Variants in TFDP2 observed in about 807,000 individuals in gnomAD.
TFDP2 encodes transcription factor Dp-2.
Under a neutral mutation model 59.3 loss-of-function variants are expected in TFDP2, and 17 were observed. The ratio of observed to expected loss-of-function variants is 0.29; its 90% CI spans 0.20 to 0.43. The LOEUF is 0.43. TFDP2 is among the 20% of genes least tolerant of loss of function. The probability of loss-of-function intolerance (pLI) is 1.00; values close to 1 mark genes in which losing one functional copy is unlikely to be tolerated. For synonymous variants in TFDP2, 180 were observed against 194.7 expected, an observed-to-expected ratio of 0.92 and a Z score of 0.63; for missense variants, 391 against 528.8, an observed-to-expected ratio of 0.74 and a Z score of 2.56.
intron 3 of TFDP2, among the ~76,000 whole-genome samples, chr3:142,012,263 C>T (rs908578335): frequency 6.6e-6 from 1 of 152,164 alleles, no homozygotes; most frequent in South Asian, 2.1e-4. Context: ...CTGCCTGCCT[C>T]GGCCTCCCAA....
chr3:141,973,116 TATATA>T (rs1283538798), intron 8 of TFDP2, among the ~76,000 whole-genome samples: 32 of 98,796 alleles, frequency 3.2e-4, no homozygotes, highest in African/African-American at 9.5e-4. Flanking sequence ...TATATATATA[TATATA>T]TATTTTTTTT....
intron 1 of TFDP2, among the ~76,000 whole-genome samples, chr3:142,119,336 T>C (rs1053801475): frequency 6.6e-6 from 1 of 152,110 alleles, no homozygotes; most frequent in Admixed American, 6.6e-5. Context: ...AAAAGATAAA[T>C]TATTTACAAA....
chr3:141,968,446 T>TATATATCATATATAAC lies in TFDP2; in HGVS notation c.732+1626_732+1627insGTTATATATGATATAT, dbSNP rs1212503732. On this transcript the variant is annotated intron_variant, in intron 9 of 12. Transcript: ENST00000489671. ...ATCTCATATATAGATATATATAACA[T>TATATATCATATATAAC]ATATATCTCATATATAGATATATAT... Among the ~76,000 whole-genome samples, 11 of 115,444 alleles carry TATATATCATATATAAC rather than the reference T, an allele frequency of 9.5e-5. 2 individuals carry two copies. The highest frequency in any genetic ancestry group is 1.8e-4 in the Non-Finnish European group (11 of 61,154). The allele number at this position is 115,444 out of a possible 152,430, so 75.7% of individuals were successfully genotyped here.
chr3:142,006,541 T>C (rs903944104), intron 3 of TFDP2, among the ~76,000 whole-genome samples: 3 of 148,934 alleles, frequency 2.0e-5, no homozygotes, highest in African/African-American at 7.5e-5. Flanking sequence ...CAATCACAGG[T>C]CACTACAGGC....
At chr3:142,086,135 T>A (rs2060804966) in intron 3 of TFDP2, among the ~76,000 whole-genome samples, 1 of 152,166 alleles carries the variant, frequency 6.6e-6, no homozygotes, top group South Asian at 2.1e-4. Context: ...TTGTCTACAT[T>A]CTGCTTCTAG....
At chr3:142,079,001 C>T (rs1488006510) in intron 3 of TFDP2, among the ~76,000 whole-genome samples, 3 of 152,014 alleles carry the variant, frequency 2.0e-5, no homozygotes, top group East Asian at 1.9e-4. Context: ...TTGAAAAATG[C>T]AACTGACACG....
intron 1 of TFDP2, among the ~76,000 whole-genome samples, chr3:142,130,913 T>C (rs1323803768): frequency 7.1e-6 from 1 of 140,160 alleles, no homozygotes; most frequent in Non-Finnish European, 1.5e-5. Flanking sequence ...ATTAGCCAAA[T>C]GTGGTGGTGG....
intron 3 of TFDP2, among the ~76,000 whole-genome samples, chr3:142,019,146 C>G (rs917396424): frequency 6.6e-6 from 1 of 151,582 alleles, no homozygotes; most frequent in African/African-American, 2.4e-5. Context: ...CTCACCGCAT[C>G]CTCCGCCTCC....
intron 11 of TFDP2, among the ~76,000 whole-genome samples, chr3:141,959,232 A>T (rs1040117110): frequency 2.0e-5 from 3 of 152,108 alleles, no homozygotes; most frequent in Non-Finnish European, 4.4e-5. Flanking sequence ...CTGGGATTAC[A>T]GGTGTGAGCT....
chr3:142,127,442 G>A (rs1331916426), intron 1 of TFDP2, among the ~76,000 whole-genome samples: 1 of 151,430 alleles, frequency 6.6e-6, no homozygotes, highest in East Asian at 1.9e-4. Context: ...CAGTAGCTGG[G>A]ATTACAGGCG....
At chr3:142,009,832 A>G (rs1345818837) in intron 3 of TFDP2, among the ~76,000 whole-genome samples, 1 of 152,118 alleles carries the variant, frequency 6.6e-6, no homozygotes, top group African/African-American at 2.4e-5. Context: ...TTTCAAACCA[A>G]TAATGTTGAG....
In TFDP2 at chr3:141,998,565, T is replaced by C. The variant is rs1943492385; in HGVS notation, c.187-3424A>G. 2.0e-5 allele frequency among the ~76,000 whole-genome samples: 3 copies of C among 152,156 alleles called. No homozygotes were observed. In the South Asian group the frequency reaches 6.2e-4, roughly 32 times the overall value. Reference sequence around the variant, plus strand: ...CTGGGAAGCGGAGGCTGCAGTGAGCTGAGATCGTGCCACTACACTCTCCAG... The same window carrying C: ...CTGGGAAGCGGAGGCTGCAGTGAGCCGAGATCGTGCCACTACACTCTCCAG... On this transcript the variant is annotated intron_variant, in intron 4 of 12. Transcript: ENST00000489671.
At chr3:142,018,762 T>A (rs1016044682) in intron 3 of TFDP2, among the ~76,000 whole-genome samples, 11 of 152,160 alleles carry the variant, frequency 7.2e-5, no homozygotes, top group African/African-American at 2.7e-4. Context: ...TAAATTTTAT[T>A]TTCTTTGACA....
intron 1 of TFDP2, among the ~76,000 whole-genome samples, chr3:142,102,740 G>A (rs1261650115): frequency 1.3e-5 from 2 of 152,194 alleles, no homozygotes; most frequent in East Asian, 3.8e-4. Flanking sequence ...AAGCCAACAT[G>A]TGTCTCTTCA....
At chr3:142,143,227 C>A (rs2063027784) in intron 1 of TFDP2, among the ~76,000 whole-genome samples, 1 of 151,898 alleles carries the variant, frequency 6.6e-6, no homozygotes, top group Non-Finnish European at 1.5e-5. Flanking sequence ...CAGAGCAAGA[C>A]CCTGTCTAAA....
At chr3:141,996,103 G>C (rs11717517) in intron 4 of TFDP2, among the ~76,000 whole-genome samples, 10,635 of 151,886 alleles carry the variant, frequency 0.07, 471 homozygotes, top group Non-Finnish European at 0.11. Context: ...TCCAGAAAGG[G>C]GATTAATGGA....
chr3:141,973,712 A>C (rs1029622626), intron 8 of TFDP2, among the ~76,000 whole-genome samples: 1 of 149,442 alleles, frequency 6.7e-6, no homozygotes, highest in Admixed American at 6.7e-5. Context: ...GGATACATAC[A>C]GCAAGCATCT....
Position 142,080,886 on chromosome 3 carries a change from C to T in TFDP2, c.82+12175G>A, listed in dbSNP as rs547822083. ...AGATAAACCCCCAATACAATAATAG[C>T]TGGAGACTTCAATATCCCACTTTGA... On this transcript the variant is annotated intron_variant, in intron 3 of 12. Coordinates refer to ENST00000489671, the MANE Select transcript of TFDP2 (RefSeq NM_001178139.2). Among the ~76,000 whole-genome samples the T allele has an allele frequency of 8.5e-5, 13 of 152,276 alleles. 1 individual carries two copies. In the South Asian group the frequency reaches 2.7e-3, roughly 32 times the overall value.
chr3:141,956,560 A>G (rs60029878), intron 11 of TFDP2, among the ~76,000 whole-genome samples: 5,322 of 151,954 alleles, frequency 0.035, 326 homozygotes, highest in African/African-American at 0.12. Flanking sequence ...TCAAAAAAAA[A>G]GTCAATGTGA....
Sources: allele counts gnomAD v4.1 joint callset (sites outside exome capture counted in the v4.1 genomes callset), GRCh38; gene constraint gnomAD v4.1.1; transcripts MANE v1.5; gene names NCBI Gene and HGNC (gene_info 2026-07-23, HGNC 2026-07-21).